The following THAP4 variants were observed in gnomAD, a reference collection of about 807,000 sequenced individuals.
THAP4 encodes the protein peroxynitrite isomerase THAP4.
THAP4 carries 18 observed loss-of-function variants against 48.1 expected under a neutral mutation model. That is an observed-to-expected ratio of 0.37 (90% CI 0.26 to 0.56). THAP4 has a LOEUF of 0.56. THAP4 is among the 20% of genes least tolerant of loss of function. The probability of loss-of-function intolerance (pLI) is 0.78; values close to 1 mark genes in which losing one functional copy is unlikely to be tolerated. For synonymous variants in THAP4, 345 were observed against 324.9 expected (o/e 1.06, Z -0.66); for missense variants, 656 against 774.9 (o/e 0.85, Z 1.82).
At chr2:241,606,677 G>C (rs561266574) in intron 2 of THAP4, among the ~76,000 whole-genome samples, 5 of 152,328 alleles carry the variant, frequency 3.3e-5, no homozygotes, top group African/African-American at 9.6e-5. Context: ...TGCAGTTCCT[G>C]CAGAGAAAAG....
chr2:241,591,278 G>A (rs962630519), intron 5 of THAP4, among the ~76,000 whole-genome samples: 1 of 149,424 alleles, frequency 6.7e-6, no homozygotes, highest in South Asian at 2.2e-4. Context: ...GTCTACAGTG[G>A]CAGAAACCAG....
At chr2:241,590,227 A>G (rs71430345) in intron 5 of THAP4, among the ~76,000 whole-genome samples, 634 of 14,392 alleles carry the variant, frequency 0.044, no homozygotes, top group Middle Eastern at 0.071. Flanking sequence ...GGCTGATGAT[A>G]ATGGGCACTA....
At chr2:241,594,597 A>T in intron 5 of THAP4, 1 of 357,860 alleles carries the variant, frequency 2.8e-6, no homozygotes, top group Admixed American at 2.7e-5. Flanking sequence ...CAAAACAACA[A>T]CAACAACAAC....
chr2:241,591,005 A>G (rs2066968522), intron 5 of THAP4, among the ~76,000 whole-genome samples: 2 of 150,570 alleles, frequency 1.3e-5, no homozygotes, highest in Non-Finnish European at 3.0e-5. Context: ...GCTGACAATA[A>G]TGGGCACTAG....
chr2:241,599,384 C>T (rs2067086336), intron 5 of THAP4, among the ~76,000 whole-genome samples: 1 of 152,136 alleles, frequency 6.6e-6, no homozygotes, highest in Non-Finnish European at 1.5e-5. Flanking sequence ...GCCTGTTGTT[C>T]TATCCATGCT....
intron 5 of THAP4, among the ~76,000 whole-genome samples, chr2:241,589,742 G>A (rs188517781): frequency 2.0e-5 from 3 of 152,220 alleles, no homozygotes; most frequent in Non-Finnish European, 4.4e-5. Context: ...CATGCTTACA[G>A]CTTTATTCCT....
intron 1 of THAP4, 144 bp downstream of exon 1, chr2:241,636,797 C>T (rs2067670210): frequency 6.4e-6 from 2 of 310,712 alleles, no homozygotes; most frequent in African/African-American, 2.3e-5. Flanking sequence ...GGGCCAAGGT[C>T]ACACAGCGCC....
At chr2:241,591,191 C>G (rs75203037) in intron 5 of THAP4, among the ~76,000 whole-genome samples, 1 of 151,704 alleles carries the variant, frequency 6.6e-6, no homozygotes, top group Non-Finnish European at 1.5e-5. Context: ...AGCTGCTCGG[C>G]TGATGATGAT....
chr2:241,619,055 A>G (rs1324355790), intron 2 of THAP4, among the ~76,000 whole-genome samples: 1 of 152,198 alleles, frequency 6.6e-6, no homozygotes, highest in South Asian at 2.1e-4. Flanking sequence ...GTCACGGCTC[A>G]GGGACACGGG....
intron 2 of THAP4, among the ~76,000 whole-genome samples, chr2:241,614,735 A>G (rs1438039816): frequency 2.0e-5 from 3 of 151,986 alleles, no homozygotes; most frequent in Admixed American, 2.0e-4. Context: ...AAAACACACA[A>G]AAAATTAGCC....
intron 2 of THAP4, 43 bp downstream of exon 2, chr2:241,632,874 C>G (rs2067583092): frequency 1.4e-6 from 2 of 1,481,352 alleles, no homozygotes; most frequent in African/African-American, 2.8e-5. Flanking sequence ...GAAACCCCTC[C>G]TAACGGGAAG....
chr2:241,594,968 A>C (rs983595335), intron 5 of THAP4, among the ~76,000 whole-genome samples: 10 of 152,064 alleles, frequency 6.6e-5, no homozygotes, highest in Non-Finnish European at 1.3e-4. Flanking sequence ...CATACTAAAA[A>C]CCACAGAATT....
chr2:241,606,497 T>A, intron 2 of THAP4, 24 bp from the exon 3 acceptor site: 2 of 1,571,456 alleles, frequency 1.3e-6, no homozygotes, highest in Non-Finnish European at 1.7e-6. Flanking sequence ...AATGAGACTA[T>A]CAGTGGCCTC....
At chr2:241,632,493 G>A (rs1445649017) in intron 2 of THAP4, among the ~76,000 whole-genome samples, 2 of 152,148 alleles carry the variant, frequency 1.3e-5, no homozygotes, top group Admixed American at 6.5e-5. Flanking sequence ...TGAACAGAAA[G>A]AACCTCCTCA....
intron 2 of THAP4, among the ~76,000 whole-genome samples, chr2:241,626,020 C>T (rs1027032365): frequency 6.6e-6 from 1 of 152,120 alleles, no homozygotes; most frequent in African/African-American, 2.4e-5. Context: ...ACAGGCAAAT[C>T]ATCTGACCGT....
At chr2:241,597,164 CTT>C (rs970195179) in intron 5 of THAP4, among the ~76,000 whole-genome samples, 29 of 152,218 alleles carry the variant, frequency 1.9e-4, no homozygotes, top group African/African-American at 5.5e-4. Flanking sequence ...GAATTTCGCT[CTT>C]GTCGCCCAGG....
chr2:241,603,159 AG>A (rs1402309483), intron 3 of THAP4, 80 bp from the exon 4 acceptor site: 2 of 1,172,696 alleles, frequency 1.7e-6, no homozygotes, highest in Non-Finnish European at 2.5e-6. Context: ...AGAACTGTCC[AG>A]GGTGCCCTCC....
At chr2:241,593,330 C>G (rs2067009281) in intron 5 of THAP4, among the ~76,000 whole-genome samples, 1 of 152,234 alleles carries the variant, frequency 6.6e-6, no homozygotes, top group Non-Finnish European at 1.5e-5. Flanking sequence ...AGCAAGCCGG[C>G]ACAGAGCTCT....
In THAP4 at chr2:241,601,905, G is replaced by A. The variant is rs1190566911; in HGVS notation, c.1605C>T (p.His535=). The A allele has an allele frequency of 1.2e-6, 2 of 1,613,958 alleles. No individual in the cohort carries two copies. The highest frequency in any genetic ancestry group is 4.5e-5 in the East Asian group (2 of 44,878). Residue 535 remains histidine (H), a synonymous_variant, in exon 5 of 6, where the codon CAC becomes CAT. Transcript: ENST00000407315. This position sits in a 1 kb window ranked among gnomAD's most constrained non-coding sequence, Gnocchi z 4.0. ...GCAGGGCTGGGCTCACCTGCTCTAC[G>A]TGGGGCTCCTTGGCGAAGGAGATCC... The part of the protein sequence containing the change: ...IARISFAKEP[H]VEQITRKFRL...
Sources: allele counts gnomAD v4.1 joint callset (sites outside exome capture counted in the v4.1 genomes callset), GRCh38; gene constraint gnomAD v4.1.1; non-coding constraint Gnocchi (gnomAD v3.1); transcripts MANE v1.5; gene names NCBI Gene and HGNC (gene_info 2026-07-23, HGNC 2026-07-21).